Variants in IGSF11 observed in about 807,000 individuals in gnomAD.
The protein encoded by IGSF11 is CXADR like 1.
Under a neutral mutation model 41.0 loss-of-function variants are expected in IGSF11, and 22 were observed. The ratio of observed to expected loss-of-function variants is 0.54; its 90% CI spans 0.38 to 0.77. IGSF11 has a LOEUF of 0.77. Among genes scored for constraint, IGSF11 ranks in the 30% least tolerant of loss-of-function variants. The probability of loss-of-function intolerance (pLI) is 0.00; values close to 1 mark genes in which losing one functional copy is unlikely to be tolerated. For missense variants in IGSF11, 444 were observed against 530.8 expected (o/e 0.84, Z 1.61); for synonymous variants, 219 against 201.3 (o/e 1.09, Z -0.74).
upstream of IGSF11, among the ~76,000 whole-genome samples, chr3:119,037,739 C>T (rs1940969672): frequency 6.6e-6 from 1 of 152,158 alleles, no homozygotes; most frequent in African/African-American, 2.4e-5. Context: ...AGTTAATCTG[C>T]ATTCAAGAAT....
intron 1 of IGSF11, among the ~76,000 whole-genome samples, chr3:118,961,966 A>G (rs1389934223): frequency 6.6e-6 from 1 of 152,206 alleles, no homozygotes; most frequent in Non-Finnish European, 1.5e-5. Flanking sequence ...TGCCCCATGA[A>G]AGTTATTTCA....
chr3:118,949,076 C>T (rs766621405), intron 1 of IGSF11, among the ~76,000 whole-genome samples: 4 of 150,662 alleles, frequency 2.7e-5, no homozygotes, highest in Non-Finnish European at 4.4e-5. Flanking sequence ...CATAAAATAA[C>T]TGATAGGAAA....
chr3:119,083,385 G>C (rs2076616358), intron 1 of IGSF11, among the ~76,000 whole-genome samples: 2 of 151,946 alleles, frequency 1.3e-5, no homozygotes, highest in African/African-American at 4.8e-5. Flanking sequence ...TTACAAGCAT[G>C]GGCCACTGCA....
chr3:119,144,627 T>C (rs942803231), intron 1 of IGSF11, among the ~76,000 whole-genome samples: 1 of 152,064 alleles, frequency 6.6e-6, no homozygotes, highest in Non-Finnish European at 1.5e-5. Context: ...ACCAAACACT[T>C]GAGAGATGCA....
intron 1 of IGSF11, among the ~76,000 whole-genome samples, chr3:118,938,200 T>C (rs1320185235): frequency 6.6e-6 from 1 of 152,244 alleles, no homozygotes; most frequent in East Asian, 1.9e-4. Context: ...ATCAGAATTC[T>C]CTTCAGCAAG....
intron 1 of IGSF11, among the ~76,000 whole-genome samples, chr3:118,969,159 A>C (rs2107614969): frequency 6.6e-6 from 1 of 152,312 alleles, no homozygotes; most frequent in South Asian, 2.1e-4. Flanking sequence ...AAACCAAGAA[A>C]CAAAAAGCAC....
rs1373007863 is a variant in IGSF11 at position 119,007,066 on chromosome 3, G to A, written c.52+27465C>T. Among the ~76,000 whole-genome samples, 361 of 120,802 alleles carry A rather than the reference G, an allele frequency of 3.0e-3. 1 individual carries two copies. The highest frequency in any genetic ancestry group is 4.4e-3 in the South Asian group (15 of 3,398). The allele number at this position is 120,802 out of a possible 152,430, so 79.3% of individuals were successfully genotyped here. On this transcript the variant is annotated intron_variant, in intron 1 of 6. Coordinates refer to ENST00000393775, the MANE Select transcript of IGSF11 (RefSeq NM_001015887.3). ...TGGTGGGCGCCCCTCCCCCAGCCTCGCTGCCGCCTTGCAGTTTGATCTCAG... is the reference window on the plus strand; with the variant it reads ...TGGTGGGCGCCCCTCCCCCAGCCTCACTGCCGCCTTGCAGTTTGATCTCAG...
intron 1 of IGSF11, among the ~76,000 whole-genome samples, chr3:119,088,872 T>C (rs1008742253): frequency 6.6e-6 from 1 of 152,030 alleles, no homozygotes; most frequent in African/African-American, 2.4e-5. Context: ...TGGAAGCACA[T>C]AAACTCCCAA....
intron 1 of IGSF11, among the ~76,000 whole-genome samples, chr3:119,118,416 A>T (rs1353713274): frequency 6.6e-6 from 1 of 152,220 alleles, no homozygotes; most frequent in African/African-American, 2.4e-5. Flanking sequence ...GCCTGAGCTC[A>T]ACTTTGGTCC....
intron 4 of IGSF11, among the ~76,000 whole-genome samples, chr3:118,906,744 T>C (rs1939652949): frequency 6.6e-6 from 1 of 152,224 alleles, no homozygotes; most frequent in Non-Finnish European, 1.5e-5. Flanking sequence ...AAAATACAAA[T>C]GACTTACAGG....
chr3:119,079,575 C>T (rs1003799925), intron 1 of IGSF11, among the ~76,000 whole-genome samples: 12 of 152,090 alleles, frequency 7.9e-5, no homozygotes, highest in African/African-American at 2.4e-4. Context: ...CATAGAGATA[C>T]GTGTACATGT....
chr3:118,970,308 G>C (rs1452219148), intron 1 of IGSF11, among the ~76,000 whole-genome samples: 1 of 152,100 alleles, frequency 6.6e-6, no homozygotes, highest in Non-Finnish European at 1.5e-5. Flanking sequence ...GGTATAATAG[G>C]AAATAATAAT....
Position 119,079,668 on chromosome 3 carries a change from G to A in IGSF11, c.49+25476C>T, listed in dbSNP as rs146983366. On this transcript the variant is annotated intron_variant, in intron 1 of 6. Coordinates refer to the IGSF11 transcript ENST00000354673. ...CAATGGTGGGCTGGATAAACAAAAT[G>A]TGATGCATATATACCATGGAATACT... Among the ~76,000 whole-genome samples the A allele has an allele frequency of 2.7e-3, 415 of 152,300 alleles. 1 individual carries two copies. The highest frequency in any genetic ancestry group is 9.3e-3 in the African/African-American group (386 of 41,542).
At chr3:119,059,546 A>G (rs1431057672) in intron 1 of IGSF11, among the ~76,000 whole-genome samples, 1 of 152,186 alleles carries the variant, frequency 6.6e-6, no homozygotes, top group Non-Finnish European at 1.5e-5. Flanking sequence ...GTGTTCCCCA[A>G]AAACTACTGA....
chr3:119,072,905 C>T (rs1044748134), intron 1 of IGSF11, among the ~76,000 whole-genome samples: 1 of 152,166 alleles, frequency 6.6e-6, no homozygotes, highest in African/African-American at 2.4e-5. Context: ...GTCTATTTTA[C>T]AGAGAGCTGA....
Position 119,052,445 on chromosome 3 carries a change from GGGAGGAAGAGAGGGAGGGAGGGAGGGAA to G in IGSF11, c.49+52671_49+52698del, listed in dbSNP as rs1559838169. ...AAGCAAGCAAACAGGAAGGGAGGGA[GGGAGGAAGAGAGGGAGGGAGGGAGGGAA>G]GGAGGAAGAGAGGGAGGGAGGGAGG... On this transcript the variant is annotated intron_variant, in intron 1 of 6. Coordinates refer to the IGSF11 transcript ENST00000354673. Among the ~76,000 whole-genome samples, 9 of 147,582 alleles carry G rather than the reference GGGAGGAAGAGAGGGAGGGAGGGAGGGAA, an allele frequency of 6.1e-5. No individual in the cohort carries two copies. The South Asian group carries it at 8.8e-4, about 15-fold the overall frequency.
intron 1 of IGSF11, among the ~76,000 whole-genome samples, chr3:119,004,820 C>G (rs1937315677): frequency 6.6e-6 from 1 of 151,828 alleles, no homozygotes; most frequent in Non-Finnish European, 1.5e-5. Flanking sequence ...GCACTGTGGT[C>G]TGAGAGATAG....
chr3:119,121,427 A>G (rs1439040066), intron 1 of IGSF11, among the ~76,000 whole-genome samples: 1 of 152,160 alleles, frequency 6.6e-6, no homozygotes, highest in African/African-American at 2.4e-5. Context: ...CTAAAATGAA[A>G]AATTTATTAT....
At chr3:118,964,382 T>A (rs553277708) in intron 1 of IGSF11, among the ~76,000 whole-genome samples, 7 of 151,876 alleles carry the variant, frequency 4.6e-5, no homozygotes, top group African/African-American at 1.7e-4. Flanking sequence ...GGATGAAGAA[T>A]GGGCAGAGCT....
Sources: gnomAD v4.1 joint callset for allele counts (sites outside exome capture counted in the v4.1 genomes callset) on GRCh38, gnomAD v4.1.1 for gene constraint, MANE v1.5 for transcripts, NCBI Gene and HGNC (gene_info 2026-07-23, HGNC 2026-07-21) for gene names.